The following GPC5 variants were observed in gnomAD, a reference collection of about 807,000 sequenced individuals.
The protein encoded by GPC5 is glypican 5, also known as glypican-5.
A neutral mutation model predicts 53.9 loss-of-function variants in GPC5; 47 were observed. The ratio of observed to expected loss-of-function variants is 0.87; its 90% CI spans 0.69 to 1.11. GPC5 has a LOEUF of 1.11. GPC5 is among the 50% of genes most tolerant of loss of function. GPC5 has a pLI of 0.00. For synonymous variants in GPC5, 286 were observed against 263.3 expected (o/e 1.09, Z -0.84); for missense variants, 748 against 713.1 (o/e 1.05, Z -0.56).
intron 7 of GPC5, among the ~76,000 whole-genome samples, chr13:92,323,730 T>C (rs535689161): frequency 6.6e-6 from 1 of 151,734 alleles, no homozygotes; most frequent in Non-Finnish European, 1.5e-5. Flanking sequence ...AAGAATAGAG[T>C]TTGTAAAATC....
At chr13:92,491,762 T>C (rs1315322143) in intron 7 of GPC5, among the ~76,000 whole-genome samples, 1 of 152,104 alleles carries the variant, frequency 6.6e-6, no homozygotes, top group Non-Finnish European at 1.5e-5. Flanking sequence ...AAACTGTTGA[T>C]TTTTTTCAGA....
intron 6 of GPC5, among the ~76,000 whole-genome samples, chr13:92,104,136 C>T (rs1347725739): frequency 6.6e-6 from 1 of 152,116 alleles, no homozygotes; most frequent in South Asian, 2.1e-4. Context: ...CCAGGTTAAA[C>T]AATGAAAATA....
chr13:92,346,007 T>A (rs1365955191), intron 7 of GPC5, among the ~76,000 whole-genome samples: 1 of 152,068 alleles, frequency 6.6e-6, no homozygotes, highest in Admixed American at 6.5e-5. Flanking sequence ...TTACTTTGAG[T>A]CTCTAGATAG....
chr13:91,922,324 C>T (rs958484883), intron 6 of GPC5, among the ~76,000 whole-genome samples: 1 of 151,988 alleles, frequency 6.6e-6, no homozygotes, highest in Non-Finnish European at 1.5e-5. Context: ...AAACTAAAGG[C>T]GAACTTTGCA....
chr13:92,634,227 A>G (rs996302695), intron 7 of GPC5, among the ~76,000 whole-genome samples: 4 of 152,098 alleles, frequency 2.6e-5, no homozygotes, highest in Non-Finnish European at 5.9e-5. Context: ...TGCTGACTTC[A>G]TAAACATAAT....
In GPC5 at chr13:92,122,290, C is replaced by CT. The variant is rs1239425925; in HGVS notation, c.1402-22531dup. Among the ~76,000 whole-genome samples, 90 of 106,702 alleles carry CT rather than the reference C, an allele frequency of 8.4e-4. 1 individual carries two copies. The highest frequency in any genetic ancestry group is 3.5e-3 in the African/African-American group (76 of 22,020). The allele number at this position is 106,702 out of a possible 152,430, so 70.0% of individuals were successfully genotyped here. On this transcript the variant is annotated intron_variant, in intron 6 of 7. Coordinates refer to ENST00000377067, the MANE Select transcript of GPC5 (RefSeq NM_004466.6). ...AAACACAGCGCTTTTTTTTTTTTAA[C>CT]TTTTTTTTTAATCTGCTGGCCCTTT...
At chr13:92,518,416 A>G (rs1880880893) in intron 7 of GPC5, among the ~76,000 whole-genome samples, 1 of 152,230 alleles carries the variant, frequency 6.6e-6, no homozygotes, top group South Asian at 2.1e-4. Flanking sequence ...CCATCAGACT[A>G]ACAGCAGATC....
At chr13:92,042,585 A>G (rs1469242439) in intron 6 of GPC5, among the ~76,000 whole-genome samples, 2 of 152,234 alleles carry the variant, frequency 1.3e-5, no homozygotes, top group Admixed American at 6.5e-5. Flanking sequence ...CCAAATCATT[A>G]ATCAAATAAG....
chr13:92,573,416 T>C (rs1483937524), intron 7 of GPC5, among the ~76,000 whole-genome samples: 1 of 152,236 alleles, frequency 6.6e-6, no homozygotes, highest in African/African-American at 2.4e-5. Context: ...TGCCTCATTG[T>C]ACTACTCCAG....
chr13:92,502,458 C>T (rs1880221166), intron 7 of GPC5, among the ~76,000 whole-genome samples: 1 of 151,664 alleles, frequency 6.6e-6, no homozygotes, highest in African/African-American at 2.4e-5. Context: ...CATGAAATGG[C>T]TATATGCTGT....
chr13:92,566,149 G>T lies in GPC5; in HGVS notation c.1562-300133G>T, dbSNP rs148426528. On this transcript the variant is annotated intron_variant, in intron 7 of 7. Coordinates refer to ENST00000377067, the MANE Select transcript of GPC5 (RefSeq NM_004466.6). ...GATAATCTGTTAGAGGCCATGGAAAGGTGCATGTCTCAGACCCCTAAAGGT... is the reference window on the plus strand; with the variant it reads ...GATAATCTGTTAGAGGCCATGGAAATGTGCATGTCTCAGACCCCTAAAGGT... 9.2e-5 allele frequency among the ~76,000 whole-genome samples: 14 copies of T among 152,076 alleles called. No individual in the cohort carries two copies. In the East Asian group the frequency reaches 2.5e-3, roughly 27 times the overall value.
chr13:91,858,837 C>A (rs988353504), intron 5 of GPC5, among the ~76,000 whole-genome samples: 1 of 151,730 alleles, frequency 6.6e-6, no homozygotes, highest in African/African-American at 2.4e-5. Flanking sequence ...CTCATTACTT[C>A]TTGGTCTTTA....
At chr13:92,543,127 T>C (rs1881982002) in intron 7 of GPC5, among the ~76,000 whole-genome samples, 1 of 152,070 alleles carries the variant, frequency 6.6e-6, no homozygotes, top group South Asian at 2.1e-4. Flanking sequence ...TATTTGCTTG[T>C]TTTATGCTGT....
At chr13:92,818,076 G>A (rs1308415920) in intron 7 of GPC5, among the ~76,000 whole-genome samples, 2 of 149,696 alleles carry the variant, frequency 1.3e-5, no homozygotes, top group East Asian at 2.0e-4. Context: ...GCAGTGGCGC[G>A]ATCGCGGCTC....
At chr13:92,076,564 A>ATTTTTTT (rs35009219) in intron 6 of GPC5, among the ~76,000 whole-genome samples, 1 of 148,158 alleles carries the variant, frequency 6.7e-6, no homozygotes, top group Non-Finnish European at 1.5e-5. Flanking sequence ...CTAAGCTCAG[A>ATTTTTTT]TTTTTTTTTT....
At chr13:92,859,172 C>G (rs1039642915) in intron 7 of GPC5, among the ~76,000 whole-genome samples, 1 of 152,042 alleles carries the variant, frequency 6.6e-6, no homozygotes, top group Admixed American at 6.6e-5. Flanking sequence ...TTGCTTGAGC[C>G]CAGGAGTTCT....
At chr13:91,444,912 C>T (rs775304627) in intron 1 of GPC5, among the ~76,000 whole-genome samples, 3 of 152,136 alleles carry the variant, frequency 2.0e-5, no homozygotes, top group Non-Finnish European at 2.9e-5. Context: ...AGTAGATCCC[C>T]GAAGCATCAG....
chr13:92,613,360 T>C lies in GPC5; in HGVS notation c.1562-252922T>C, dbSNP rs1307046527. Reference sequence around the variant, plus strand: ...AATATATTTATATATAAATATATAATATATTTATATATAAATATATTATAT... The same window carrying C: ...AATATATTTATATATAAATATATAACATATTTATATATAAATATATTATAT... On this transcript the variant is annotated intron_variant, in intron 7 of 7. Coordinates refer to ENST00000377067, the MANE Select transcript of GPC5 (RefSeq NM_004466.6). Among the ~76,000 whole-genome samples, 8 of 91,016 alleles carry C rather than the reference T, an allele frequency of 8.8e-5. No homozygotes were observed. The South Asian group carries it at 1.6e-3, about 19-fold the overall frequency. The allele number at this position is 91,016 out of a possible 152,430, so 59.7% of individuals were successfully genotyped here. A position where few individuals can be genotyped will look rare whatever the true frequency, so the allele number is the denominator to read the frequency against.
intron 2 of GPC5, among the ~76,000 whole-genome samples, chr13:91,568,694 C>G (rs2031647481): frequency 6.6e-6 from 1 of 151,278 alleles, no homozygotes; most frequent in Admixed American, 6.6e-5. Flanking sequence ...GCCACCAGTA[C>G]TTATCTTAAA....
Sources: allele counts gnomAD v4.1 joint callset (sites outside exome capture counted in the v4.1 genomes callset), GRCh38; gene constraint gnomAD v4.1.1; transcripts MANE v1.5; gene names NCBI Gene and HGNC (gene_info 2026-07-23, HGNC 2026-07-21).